The following DYTN variants were observed in gnomAD, a reference collection of about 807,000 sequenced individuals.
The protein encoded by DYTN is dystrotelin.
In DYTN, 75 loss-of-function variants were observed where a neutral mutation model predicts 69.6. The observed-to-expected ratio is 1.08, with a 90% CI of 0.89 to 1.31. The LOEUF (loss-of-function observed/expected upper bound fraction) is 1.31. Ranked by LOEUF, DYTN falls within the 50% of genes most tolerant of loss-of-function variation. The pLI, the probability that DYTN is intolerant of heterozygous loss-of-function variation, is 0.00. For missense variants in DYTN, 726 were observed against 688.4 expected (o/e 1.05, Z -0.61); for synonymous variants, 252 against 249.1 (o/e 1.01, Z -0.11).
intron 9 of DYTN, among the ~76,000 whole-genome samples, chr2:206,675,277 G>A (rs1559308721): frequency 7.3e-6 from 1 of 137,682 alleles, no homozygotes; most frequent in Non-Finnish European, 1.5e-5. Context: ...ATGTATGTAT[G>A]TTATATTTAA....
chr2:206,699,890 C>G lies in DYTN; in HGVS notation c.556G>C (p.Val186Leu). Residue 186 changes from valine to leucine, a missense_variant and splice_region_variant, in exon 7 of 12, where the codon GTG becomes CTG. Coordinates refer to ENST00000452335, the MANE Select transcript of DYTN (RefSeq NM_001093730.1). ...ESATRSCFQGVLSPAIKEEKF... is the reference protein window; with the variant it reads ...ESATRSCFQGLLSPAIKEEKF... ...TCTTCTTTGATTGCTGGGCTCAACACCTGAAAAACAATGGCACTCTAAGAT... is the reference window on the plus strand; with the variant it reads ...TCTTCTTTGATTGCTGGGCTCAACAGCTGAAAAACAATGGCACTCTAAGAT... The G allele has an allele frequency of 6.2e-7, 1 of 1,610,554 alleles. No individual in the cohort carries two copies. Among genetic ancestry groups the G allele is most frequent in the Non-Finnish European group, 8.5e-7 (1 of 1,178,744 alleles).
At chr2:206,693,459 T>C (rs1376520098) in intron 8 of DYTN, 136 bp from the exon 9 acceptor site, 3 of 1,131,376 alleles carry the variant, frequency 2.7e-6, no homozygotes, top group Non-Finnish European at 3.7e-6. Flanking sequence ...TAATCTTACC[T>C]CCTTCTTGTC....
intron 1 of DYTN, 86 bp from the exon 2 acceptor site, chr2:206,710,684 T>G (rs1700072114): frequency 9.3e-7 from 1 of 1,072,606 alleles, no homozygotes; most frequent in African/African-American, 1.6e-5. Flanking sequence ...AGAGATCATG[T>G]AAGCTTACTT....
In DYTN at chr2:206,653,592, T is replaced by G. The variant is rs28582124; in HGVS notation, c.1634-1671A>C. ...GATAGATGTAGAAATGAAAAAGTAT[T>G]AGGTTTTTTAGTCTATGTTCACTCT... On this transcript the variant is annotated intron_variant, in intron 11 of 11. Coordinates refer to ENST00000452335, the MANE Select transcript of DYTN (RefSeq NM_001093730.1). 4.2e-3 allele frequency among the ~76,000 whole-genome samples: 645 copies of G among 152,322 alleles called. 3 individuals carry two copies. Among genetic ancestry groups the G allele is most frequent in the African/African-American group, 0.015 (614 of 41,590 alleles).
rs764232826 is a variant in DYTN, at chr2:206,707,403, T to A, written c.195A>T (p.Ala65=). ...HSLSVQQLSQ[A]LQELFQKARE... ...TGGCCTTCTGAAACAGCTCTTGGAGTGCCTGAGAAAGTTGCTGCACAGAAA... is the reference window on the plus strand; with the variant it reads ...TGGCCTTCTGAAACAGCTCTTGGAGAGCCTGAGAAAGTTGCTGCACAGAAA... Residue 65 remains alanine, a synonymous_variant, in exon 3 of 12, where the codon GCA becomes GCT. Coordinates refer to ENST00000452335, the MANE Select transcript of DYTN (RefSeq NM_001093730.1). The A allele has an allele frequency of 2.5e-6, 4 of 1,613,216 alleles. No individual in the cohort carries two copies. In the South Asian group the frequency reaches 3.3e-5, roughly 13 times the overall value.
At chr2:206,662,725 C>G (rs150531269) in intron 11 of DYTN, among the ~76,000 whole-genome samples, 178 bp downstream of exon 11, 1 of 150,580 alleles carries the variant, frequency 6.6e-6, no homozygotes, top group African/African-American at 2.4e-5. Context: ...TCACAACAGA[C>G]CTGTGAATTA....
chr2:206,689,845 T>A (rs1699846789), intron 9 of DYTN, among the ~76,000 whole-genome samples: 1 of 152,200 alleles, frequency 6.6e-6, no homozygotes, highest in African/African-American at 2.4e-5. Context: ...AATCCCTCCA[T>A]CATGCGCTAT....
At position 206,693,192 on chromosome 2, in the gene DYTN, A is replaced by T. The variant is rs1381726807; in HGVS notation, c.963T>A (p.Pro321=). The T allele has an allele frequency of 1.2e-6, 2 of 1,611,782 alleles. No homozygotes were observed. The highest frequency in any genetic ancestry group is 2.7e-5 in the African/African-American group (2 of 74,894). Residue 321 remains proline (P), a synonymous_variant, in exon 9 of 12, where the codon CCT becomes CCA. Coordinates refer to ENST00000452335, the MANE Select transcript of DYTN (RefSeq NM_001093730.1). ...LLDQVNPKGV[P]HHAQARLLKK... is the part of the protein sequence containing the mutation. ...CCACTCACCTGGCCTGCGCATGGTG[A>T]GGCACACCCTTTGGATTCACCTGGT...
At chr2:206,656,985 C>A (rs1173052655) in intron 11 of DYTN, among the ~76,000 whole-genome samples, 1 of 152,006 alleles carries the variant, frequency 6.6e-6, no homozygotes, top group African/African-American at 2.4e-5. Flanking sequence ...TGGTCTTGAA[C>A]TCCCAATCTC....
Position 206,693,325 on chromosome 2 carries a change from T to G in DYTN, c.832-2A>C. 6.2e-7 allele frequency: 1 copy of G among 1,611,064 alleles called. No individual in the cohort carries two copies. The highest frequency in any genetic ancestry group is 8.5e-7 in the Non-Finnish European group (1 of 1,179,724). ...TTTTGTATTCTGCATTGCTGACATC[T>G]GCTGAAAGGGCCAACATTTTTAAAA... On this transcript the variant is annotated splice_acceptor_variant, in intron 8 of 11. Coordinates refer to ENST00000452335, the MANE Select transcript of DYTN (RefSeq NM_001093730.1). LOFTEE classifies it high-confidence loss of function.
intron 11 of DYTN, among the ~76,000 whole-genome samples, chr2:206,660,002 T>C (rs1041765339): frequency 1.3e-5 from 1 of 77,730 alleles, no homozygotes; most frequent in African/African-American, 4.7e-5. Flanking sequence ...TATAAAGATG[T>C]GTACTTTTTT....
intron 11 of DYTN, among the ~76,000 whole-genome samples, chr2:206,659,617 A>G (rs1699487088): frequency 6.6e-6 from 1 of 151,946 alleles, no homozygotes; most frequent in South Asian, 2.1e-4. Context: ...CACTTTCCAC[A>G]TCTTCATCCA....
chr2:206,669,616 T>C (rs1699609611), intron 9 of DYTN, among the ~76,000 whole-genome samples: 1 of 152,194 alleles, frequency 6.6e-6, no homozygotes. Flanking sequence ...TCATTTTAAA[T>C]AATCATTTTA....
rs745873822 is a variant in DYTN at position 206,718,270 on chromosome 2, C to G, written c.10G>C (p.Asp4His). Residue 4 changes from aspartate to histidine, a missense_variant, in exon 1 of 12, where the codon GAT becomes CAT. By Grantham distance (81) the Asp-to-His change is moderately conservative. Transcript: ENST00000452335. MDP[D>H]KQDALNSIEN... ...TGACAATAATACTCACCTTGTTTATCTGGATCCATTTCACAAATTTCCTGG... is the reference window on the plus strand; with the variant it reads ...TGACAATAATACTCACCTTGTTTATGTGGATCCATTTCACAAATTTCCTGG... 6 of 1,599,396 alleles carry G rather than the reference C, an allele frequency of 3.8e-6. No individual in the cohort carries two copies. The South Asian group carries it at 5.7e-5, about 15-fold the overall frequency.
At chr2:206,665,529 G>C (rs1193101776) in intron 10 of DYTN, among the ~76,000 whole-genome samples, 1 of 151,216 alleles carries the variant, frequency 6.6e-6, no homozygotes, top group Admixed American at 6.6e-5. Flanking sequence ...GATGCAAAAA[G>C]ATATAACCAC....
At chr2:206,699,455 C>A (rs1699953101) in intron 7 of DYTN, among the ~76,000 whole-genome samples, 1 of 152,108 alleles carries the variant, frequency 6.6e-6, no homozygotes, top group South Asian at 2.1e-4. Flanking sequence ...CAAAACAAAA[C>A]AAAGACAAAA....
chr2:206,711,152 C>A (rs1255967913), intron 1 of DYTN, among the ~76,000 whole-genome samples: 2 of 152,210 alleles, frequency 1.3e-5, no homozygotes, highest in Non-Finnish European at 2.9e-5. Flanking sequence ...CAGTGGACAT[C>A]TCTGAGTGCT....
intron 2 of DYTN, 128 bp downstream of exon 2, chr2:206,710,396 A>T (rs548156881): frequency 2.4e-6 from 2 of 847,628 alleles, no homozygotes; most frequent in East Asian, 5.8e-5. Flanking sequence ...AATGGGCTAA[A>T]TGCACAAGTC....
At position 206,718,385 on chromosome 2, in the gene DYTN, A is replaced by G; in HGVS notation, c.-106T>C. ...GCAGCAGAGGAATGAGGACAGGGGA[A>G]CAAAAAGGCAACTAAACAAATCATT... On this transcript the variant is annotated 5_prime_UTR_variant, in exon 1 of 12. Transcript: ENST00000452335. The G allele has an allele frequency of 1.7e-6, 2 of 1,206,572 alleles. No homozygotes were observed. Among genetic ancestry groups the G allele is most frequent in the East Asian group, 2.6e-5 (1 of 38,106 alleles). 74.7% of individuals were successfully genotyped at this position (1,206,572 alleles called of 1,614,324 possible).
Sources: gnomAD v4.1 joint callset for allele counts (sites outside exome capture counted in the v4.1 genomes callset) on GRCh38, gnomAD v4.1.1 for gene constraint, MANE v1.5 for transcripts, NCBI Gene and HGNC (gene_info 2026-07-23, HGNC 2026-07-21) for gene names.